CASR: variants seen among roughly 807,000 people sequenced by gnomAD.
The protein encoded by CASR is calcium sensing receptor, also known as extracellular calcium-sensing receptor.
In CASR, 23 loss-of-function variants were observed where a neutral mutation model predicts 69.1. That is an observed-to-expected ratio of 0.33 (90% confidence interval 0.24 to 0.47). The LOEUF (loss-of-function observed/expected upper bound fraction) is 0.47. Ranked by LOEUF, CASR falls within the 20% of genes least tolerant of loss-of-function variation. The pLI is 1.00. For synonymous variants in CASR, 541 were observed against 544.7 expected (o/e 0.99, Z 0.10); for missense variants, 924 against 1,356.1 (o/e 0.68, Z 5.00).
chr3:122,278,994 T>C (rs1275707531), intron 5 of CASR, among the ~76,000 whole-genome samples: 1 of 152,192 alleles, frequency 6.6e-6, no homozygotes, highest in Admixed American at 6.5e-5. Flanking sequence ...ACTAAGTGCG[T>C]CCCCATGACT....
intron 1 of CASR, among the ~76,000 whole-genome samples, chr3:122,212,801 G>C (rs975939769): frequency 6.6e-6 from 1 of 151,892 alleles, no homozygotes; most frequent in Non-Finnish European, 1.5e-5. Context: ...GCCACCATGC[G>C]TGGCTAATTT....
intron 1 of CASR, among the ~76,000 whole-genome samples, chr3:122,250,762 A>T (rs2074474615): frequency 1.3e-5 from 2 of 152,246 alleles, no homozygotes; most frequent in Non-Finnish European, 2.9e-5. Flanking sequence ...ATAAACATTT[A>T]TTCAGCATTT....
chr3:122,221,693 C>T (rs1206640771), intron 1 of CASR, among the ~76,000 whole-genome samples: 2 of 152,130 alleles, frequency 1.3e-5, no homozygotes, highest in African/African-American at 4.8e-5. Context: ...ACAATGAAAT[C>T]CCAGTACACC....
At chr3:122,216,159 G>A (rs188355450) in intron 1 of CASR, among the ~76,000 whole-genome samples, 2 of 152,272 alleles carry the variant, frequency 1.3e-5, no homozygotes, top group East Asian at 3.8e-4. Context: ...TTCTTGATGG[G>A]TACACCTCCT....
At chr3:122,185,045 G>A (rs1045295942) in intron 1 of CASR, among the ~76,000 whole-genome samples, 2 of 152,022 alleles carry the variant, frequency 1.3e-5, no homozygotes, top group Non-Finnish European at 2.9e-5. Flanking sequence ...GTCAGTTCCC[G>A]GGGCCTGAGC....
intron 1 of CASR, among the ~76,000 whole-genome samples, chr3:122,196,806 C>A (rs2073895337): frequency 6.6e-6 from 1 of 151,892 alleles, no homozygotes; most frequent in Non-Finnish European, 1.5e-5. Context: ...CTTTGCTACC[C>A]CCAGTTTTAC....
rs745336350 is a variant in CASR, at chr3:122,199,612, AC to A, written c.-243+15801del. ...GTGTAAAAATAGTCCATAATCTGTTACTTTTAATCCTTAGTTTTGCAGAATG... is the reference window on the plus strand; with the variant it reads ...GTGTAAAAATAGTCCATAATCTGTTATTTTAATCCTTAGTTTTGCAGAATG... On this transcript the variant is annotated intron_variant, in intron 1 of 6. Transcript: ENST00000639785. 2.6e-5 allele frequency among the ~76,000 whole-genome samples: 4 copies of A among 152,158 alleles called. No homozygotes were observed. In the East Asian group the frequency reaches 7.7e-4, roughly 29 times the overall value.
At chr3:122,282,467 T>C (rs2074903911) in intron 6 of CASR, among the ~76,000 whole-genome samples, 1 of 152,284 alleles carries the variant, frequency 6.6e-6, no homozygotes, top group Non-Finnish European at 1.5e-5. Flanking sequence ...CATCTTTCTC[T>C]TACTTCATAT....
In CASR at chr3:122,212,643, A is replaced by ATT. The variant is rs35139115; in HGVS notation, c.-243+28845_-243+28846dup. On this transcript the variant is annotated intron_variant, in intron 1 of 6. Transcript: ENST00000639785. ...GAGTTTTGATTCCAGATTTTCTACAATTTTTTTTTTTTTTTGAGACAGAGT... is the reference window on the plus strand; with the variant it reads ...GAGTTTTGATTCCAGATTTTCTACAATTTTTTTTTTTTTTTTTGAGACAGAGT... Among the ~76,000 whole-genome samples, 619 of 144,960 alleles carry ATT rather than the reference A, an allele frequency of 4.3e-3. 5 individuals carry two copies. The highest frequency in any genetic ancestry group is 0.015 in the African/African-American group (578 of 39,400).
At chr3:122,263,108 C>T (rs1372714323) in intron 4 of CASR, among the ~76,000 whole-genome samples, 1 of 152,138 alleles carries the variant, frequency 6.6e-6, no homozygotes, top group Non-Finnish European at 1.5e-5. Flanking sequence ...GAGCTTATAT[C>T]CTAAATAGCT....
intron 1 of CASR, among the ~76,000 whole-genome samples, chr3:122,227,914 A>C (rs913458909): frequency 2.0e-5 from 3 of 150,716 alleles, no homozygotes; most frequent in Non-Finnish European, 4.4e-5. Context: ...AAAAATAAAT[A>C]AATAAATCAA....
At chr3:122,209,404 A>G (rs2074039955) in intron 1 of CASR, among the ~76,000 whole-genome samples, 1 of 152,222 alleles carries the variant, frequency 6.6e-6, no homozygotes, top group Admixed American at 6.5e-5. Flanking sequence ...GCAATTTACA[A>G]AAGAAAGAGG....
intron 4 of CASR, among the ~76,000 whole-genome samples, chr3:122,263,218 G>T (rs1012757968): frequency 2.6e-5 from 4 of 152,076 alleles, no homozygotes; most frequent in African/African-American, 9.7e-5. Flanking sequence ...CAGAGAGATT[G>T]CATGACAGTG....
At chr3:122,215,872 T>C (rs2074112603) in intron 1 of CASR, among the ~76,000 whole-genome samples, 1 of 152,186 alleles carries the variant, frequency 6.6e-6, no homozygotes, top group Non-Finnish European at 1.5e-5. Flanking sequence ...AGACTGTATC[T>C]GAAGGACAGG....
At chr3:122,192,219 T>C (rs912812884) in intron 1 of CASR, among the ~76,000 whole-genome samples, 1 of 152,222 alleles carries the variant, frequency 6.6e-6, no homozygotes, top group Non-Finnish European at 1.5e-5. Context: ...ACCACCTGGA[T>C]TCAAATTCTG....
rs542600921 is a variant in CASR, at chr3:122,287,312, G to A, written c.*2121G>A. On this transcript the variant is annotated 3_prime_UTR_variant, in exon 7 of 7. Coordinates refer to ENST00000639785, the MANE Select transcript of CASR (RefSeq NM_000388.4). ...TATTTCACCAAGTGCTTGCAAATAA[G>A]GAGTCTCTCCCAATGCTGTTGTCAG... 6 of 152,188 alleles carry A rather than the reference G, an allele frequency of 3.9e-5. No homozygotes were observed. Among genetic ancestry groups the A allele is most frequent in the Non-Finnish European group, 8.8e-5 (6 of 68,046 alleles). 9.4% of individuals were successfully genotyped at this position (152,188 alleles called of 1,614,324 possible).
rs201074904 is a variant in CASR, at chr3:122,254,103, G to A, written c.-87G>A. On this transcript the variant is annotated 5_prime_UTR_variant, in exon 2 of 7. Transcript: ENST00000639785. ...TCTGTAGACATGTGTCCCCACTGCA[G>A]GGAGTGAACTGCTCCAAGGGAGAAA... 5.2e-6 allele frequency: 6 copies of A among 1,163,774 alleles called. No homozygotes were observed. The highest frequency in any genetic ancestry group is 1.5e-5 in the African/African-American group (1 of 66,412). The allele number at this position is 1,163,774 out of a possible 1,614,324, so 72.1% of individuals were successfully genotyped here.
At chr3:122,253,846 A>G in intron 1 of CASR, 102 bp from the exon 2 acceptor site, 1 of 333,828 alleles carries the variant, frequency 3.0e-6, no homozygotes, top group Non-Finnish European at 5.7e-6. Flanking sequence ...TGCCACCCCT[A>G]GGCCCCTCTA....
chr3:122,201,648 CGG>C (rs1559935876), intron 1 of CASR, among the ~76,000 whole-genome samples: 8 of 83,458 alleles, frequency 9.6e-5, no homozygotes, highest in African/African-American at 2.6e-4. Context: ...ACCTCCCTCC[CGG>C]ACGGGGCGGC....
Sources: allele counts gnomAD v4.1 joint callset (sites outside exome capture counted in the v4.1 genomes callset), GRCh38; gene constraint gnomAD v4.1.1; transcripts MANE v1.5; gene names NCBI Gene and HGNC (gene_info 2026-07-23, HGNC 2026-07-21).